ZNF780B: variants seen among roughly 807,000 people sequenced by gnomAD.
The protein encoded by ZNF780B is zinc finger protein 780B.
A neutral mutation model predicts 74.1 loss-of-function variants in ZNF780B; 52 were observed. The ratio of observed to expected loss-of-function variants is 0.70; its 90% CI spans 0.56 to 0.88. ZNF780B has a LOEUF of 0.88. ZNF780B is among the 40% of genes least tolerant of loss of function. ZNF780B has a pLI of 0.00. For synonymous variants in ZNF780B, 315 were observed against 324.3 expected (o/e 0.97, Z 0.31); for missense variants, 953 against 1,007.6 (o/e 0.95, Z 0.73).
chr19:40,047,516 T>A (rs114001778), intron 3 of ZNF780B, 46 bp from the exon 4 acceptor site: 55,928 of 1,408,430 alleles, frequency 0.04, 2,038 homozygotes, highest in East Asian at 0.16. Flanking sequence ...AATATAAAAA[T>A]TTTTTTTAAA....
In ZNF780B at chr19:40,036,238, T is replaced by C. The variant is rs1286372749; in HGVS notation, c.621A>G (p.Gln207=). The stretch of plus-strand genomic sequence containing the variant: ...TATGAAATTTCTGATGTCGAGTAAG[T>C]TGTATGTGAAGTTGAAAGGCTTTCC... ...ECGKAFQLHI[Q]LTRHQKFHTG... Residue 207 remains glutamine, a synonymous_variant, in exon 5 of 5, where the codon CAA becomes CAG. Coordinates refer to ENST00000434248, the MANE Select transcript of ZNF780B (RefSeq NM_001005851.3). 6.2e-7 allele frequency: 1 copy of C among 1,612,268 alleles called. No individual in the cohort carries two copies. Among genetic ancestry groups the C allele is most frequent in the Non-Finnish European group, 8.5e-7 (1 of 1,179,404 alleles).
rs189713319 is a variant in ZNF780B at position 40,033,198 on chromosome 19, T to C, written c.*1159A>G. 26 of 154,514 alleles carry C rather than the reference T, an allele frequency of 1.7e-4. No individual in the cohort carries two copies. The highest frequency in any genetic ancestry group is 1.6e-3 in the Middle Eastern group (3 of 1,852). The allele number at this position is 154,514 out of a possible 1,614,324, so 9.6% of individuals were successfully genotyped here. On this transcript the variant is annotated 3_prime_UTR_variant, in exon 5 of 5. Coordinates refer to ENST00000434248, the MANE Select transcript of ZNF780B (RefSeq NM_001005851.3). ...CATAACAGATTTAACAATGAAAAAG[T>C]TTGAAATATTATGAAAACTAGCAAA...
At position 40,034,629 on chromosome 19, in the gene ZNF780B, G is replaced by C. The variant is rs1408102797; in HGVS notation, c.2230C>G (p.Gln744Glu). Reference sequence around the variant, plus strand: ...GGCTTCTCACCAGTATGAATGATCTGATGTTGAGCAAGCTGTGTCAGAAGA... The same window carrying C: ...GGCTTCTCACCAGTATGAATGATCTCATGTTGAGCAAGCTGTGTCAGAAGA... ...FGLLTQLAQH[Q>E]IIHTGEKPFK... The change falls in exon 5 of 5, where the codon CAG becomes GAG. Residue 744 changes from glutamine to glutamate, a missense_variant. Gln to Glu is a conservative substitution (Grantham distance 29, BLOSUM62 2). Coordinates refer to ENST00000434248, the MANE Select transcript of ZNF780B (RefSeq NM_001005851.3). 6.2e-7 allele frequency: 1 copy of C among 1,613,680 alleles called. No homozygotes were observed. The highest frequency in any genetic ancestry group is 1.1e-5 in the South Asian group (1 of 91,052).
chr19:40,051,334 G>A (rs1973223959), intron 1 of ZNF780B, among the ~76,000 whole-genome samples: 1 of 151,786 alleles, frequency 6.6e-6, no homozygotes, highest in South Asian at 2.1e-4. Flanking sequence ...CTCCAAATTA[G>A]ATGAAAGACA....
chr19:40,035,876 G>C lies in ZNF780B; in HGVS notation c.983C>G (p.Thr328Ser). 6.2e-7 allele frequency: 1 copy of C among 1,613,482 alleles called. No individual in the cohort carries two copies. The highest frequency in any genetic ancestry group is 8.5e-7 in the Non-Finnish European group (1 of 1,179,876). The change falls in exon 5 of 5, where the codon ACT (threonine) becomes AGT (serine). Residue 328 changes from threonine (T) to serine (S), a missense_variant. By Grantham distance (58) the Thr-to-Ser change is moderately conservative. Coordinates refer to ENST00000434248, the MANE Select transcript of ZNF780B (RefSeq NM_001005851.3). ...YQLIEHCRIH[T>S]GEKPFECKEC... ...TTTACATTCAAAGGGTTTCTCGCCA[G>C]TATGAATTCGGCAATGTTCAATGAG...
At chr19:40,036,732 A>C (rs958274073) in intron 4 of ZNF780B, 106 bp from the exon 5 acceptor site, 5 of 689,600 alleles carry the variant, frequency 7.3e-6, no homozygotes, top group Non-Finnish European at 9.2e-6. Flanking sequence ...ACTTTCAGGG[A>C]AGGGATCTGA....
intron 1 of ZNF780B, among the ~76,000 whole-genome samples, chr19:40,053,609 C>T (rs1490545671): frequency 6.6e-6 from 1 of 152,222 alleles, no homozygotes; most frequent in East Asian, 1.9e-4. Context: ...ACCTGCACAC[C>T]CATGTTTATT....
Position 40,035,076 on chromosome 19 carries a change from G to A in ZNF780B, c.1783C>T (p.Arg595Ter), listed in dbSNP as rs61730566. ...FECKECGKAFRLHMHLIRHQK... is the reference protein window; with the variant it reads ...FECKECGKAF ...TGTCGAATAAGGTGCATATGAAGTC[G>A]AAAGGCTTTCCCACATTCCTTACAT... The change falls in exon 5 of 5, where the codon CGA becomes TGA. Residue 595 changes from arginine to a stop codon, truncating the protein, a stop_gained. Coordinates refer to ENST00000434248, the MANE Select transcript of ZNF780B (RefSeq NM_001005851.3). LOFTEE classifies it high-confidence loss of function. 30 of 1,613,680 alleles carry A rather than the reference G, an allele frequency of 1.9e-5. No homozygotes were observed. Among genetic ancestry groups the A allele is most frequent in the Middle Eastern group, 1.7e-4 (1 of 6,058 alleles).
chr19:40,036,507 A>C lies in ZNF780B; in HGVS notation c.352T>G (p.Phe118Val), dbSNP rs1972326144. The change falls in exon 5 of 5, where the codon TTT becomes GTT. Residue 118 changes from phenylalanine to valine, a missense_variant. By Grantham distance (50) the Phe-to-Val change is conservative (BLOSUM62 -1). Transcript: ENST00000434248. ...SKTLGLEAFYFRNDSEYRSRF... is the reference protein window; with the variant it reads ...SKTLGLEAFYVRNDSEYRSRF... ...CTTCTATATTCTGAGTCATTTCTAA[A>C]ATAAAAGGCCTCGAGGCCAAGTGTT... 6.2e-7 allele frequency: 1 copy of C among 1,609,356 alleles called. No homozygotes were observed. The highest frequency in any genetic ancestry group is 8.5e-7 in the Non-Finnish European group (1 of 1,178,306).
At position 40,036,559 on chromosome 19, in the gene ZNF780B, G is replaced by A. The variant is rs756787237; in HGVS notation, c.300C>T (p.Pro100=). Residue 100 remains proline, a synonymous_variant, in exon 5 of 5, where the codon CCC becomes CCT. Transcript: ENST00000434248. ...PENDIFEINL[P]KHVIKQISKT... ...TACTTATTTGCTTTATAACATGTTT[G>A]GGTAAATTTATTTCAAAAATATCAT... 2.6e-5 allele frequency: 41 copies of A among 1,573,832 alleles called. No individual in the cohort carries two copies. The highest frequency in any genetic ancestry group is 3.2e-5 in the Non-Finnish European group (37 of 1,165,128).
At chr19:40,047,026 G>T (rs918844427) in intron 4 of ZNF780B, among the ~76,000 whole-genome samples, 12 of 152,174 alleles carry the variant, frequency 7.9e-5, no homozygotes, top group South Asian at 2.1e-4. Flanking sequence ...ACTACTTGAG[G>T]CCAAGAGTTC....
chr19:40,045,146 T>C (rs1452748635), intron 4 of ZNF780B, among the ~76,000 whole-genome samples: 2 of 152,070 alleles, frequency 1.3e-5, no homozygotes, highest in Admixed American at 1.3e-4. Context: ...AGCAAGAGAA[T>C]ATAACAATTC....
rs1971969812 is a variant in ZNF780B at position 40,030,599 on chromosome 19, GC to G, written c.*3757del. On this transcript the variant is annotated 3_prime_UTR_variant, in exon 5 of 5. Coordinates refer to ENST00000434248, the MANE Select transcript of ZNF780B (RefSeq NM_001005851.3). ...TTACAGGCGTGAGCCACCGTGCCTGGCCGTGATTTTTAAATTTGTACATACT... is the reference window on the plus strand; with the variant it reads ...TTACAGGCGTGAGCCACCGTGCCTGGCGTGATTTTTAAATTTGTACATACT... The G allele has an allele frequency of 6.6e-6, 1 of 152,164 alleles. No homozygotes were observed. The highest frequency in any genetic ancestry group is 2.4e-5 in the African/African-American group (1 of 41,426). The allele number at this position is 152,164 out of a possible 1,614,324, so 9.4% of individuals were successfully genotyped here. A position where few individuals can be genotyped will look rare whatever the true frequency, so the allele number is the denominator to read the frequency against.
rs752696719 is a variant in ZNF780B, at chr19:40,034,534, AT to A, written c.2324del (p.His775LeufsTer31). 1.3e-4 allele frequency: 204 copies of A among 1,613,876 alleles called. No individual in the cohort carries two copies. The highest frequency in any genetic ancestry group is 1.7e-4 in the Non-Finnish European group (197 of 1,179,974). Reference sequence around the variant, plus strand: ...TACATTCATAGGGTTTCTCACCAGTATGAATACTCTGAGGTTGAACAAGGTT... The same window carrying A: ...TACATTCATAGGGTTTCTCACCAGTAGAATACTCTGAGGTTGAACAAGGTT... ...GSNLVQPQSI[H>X]TGEKPYECKE... On this transcript the variant is annotated frameshift_variant, in exon 5 of 5. Transcript: ENST00000434248. LOFTEE classifies it high-confidence loss of function.
intron 4 of ZNF780B, among the ~76,000 whole-genome samples, chr19:40,038,982 T>C (rs1223927315): frequency 2.6e-5 from 4 of 152,250 alleles, no homozygotes; most frequent in Non-Finnish European, 5.9e-5. Context: ...ATAAAGTCCT[T>C]GCCCATGCCT....
At chr19:40,055,739 T>C (rs1025493566) in intron 1 of ZNF780B, among the ~76,000 whole-genome samples, 2 of 151,970 alleles carry the variant, frequency 1.3e-5, no homozygotes, top group Non-Finnish European at 2.9e-5. Context: ...CCACCCCGAG[T>C]CCAGATCTGC....
chr19:40,054,355 T>C (rs891436825), intron 1 of ZNF780B, among the ~76,000 whole-genome samples: 1 of 152,200 alleles, frequency 6.6e-6, no homozygotes, highest in Non-Finnish European at 1.5e-5. Flanking sequence ...CTACTATTAA[T>C]AACTATTCTG....
Position 40,031,921 on chromosome 19 carries a change from C to A in ZNF780B, c.*2436G>T, listed in dbSNP as rs1568397951. 8.4e-6 allele frequency: 3 copies of A among 356,732 alleles called. No homozygotes were observed. The highest frequency in any genetic ancestry group is 1.7e-5 in the Non-Finnish European group (3 of 181,194). The allele number at this position is 356,732 out of a possible 1,614,324, so 22.1% of individuals were successfully genotyped here. On this transcript the variant is annotated 3_prime_UTR_variant, in exon 5 of 5. Coordinates refer to ENST00000434248, the MANE Select transcript of ZNF780B (RefSeq NM_001005851.3). The stretch of plus-strand genomic sequence containing the variant: ...GTTACCAGCTTACCCAAATGATCAT[C>A]CTTAGTTTCACTAATGCAAGGACCT...
At position 40,047,519 on chromosome 19, in the gene ZNF780B, T is replaced by C. The variant is rs1262303121; in HGVS notation, c.137-49A>G. 2.9e-6 allele frequency: 4 copies of C among 1,390,916 alleles called. No individual in the cohort carries two copies. In the African/African-American group the frequency reaches 5.9e-5, roughly 21 times the overall value. The allele number at this position is 1,390,916 out of a possible 1,614,324, so 86.2% of individuals were successfully genotyped here. On this transcript the variant is annotated intron_variant, in intron 3 of 4. Transcript: ENST00000434248. ...TAGAATTTTTTTAATATAAAAATTT[T>C]TTTTAAACCCTGAGACCTAGTTAAA...
Sources: allele counts gnomAD v4.1 joint callset (sites outside exome capture counted in the v4.1 genomes callset), GRCh38; gene constraint gnomAD v4.1.1; transcripts MANE v1.5; gene names NCBI Gene and HGNC (gene_info 2026-07-23, HGNC 2026-07-21).